Variants in MAPRE2 observed in about 807,000 individuals in gnomAD.
MAPRE2 encodes the protein microtubule-associated protein RP/EB family member 2.
A neutral mutation model predicts 43.2 loss-of-function variants in MAPRE2; 13 were observed. That is an observed-to-expected ratio of 0.30 (90% CI 0.20 to 0.48). MAPRE2 has a LOEUF of 0.48. MAPRE2 is among the 20% of genes least tolerant of loss of function. The pLI is 0.99. For synonymous variants in MAPRE2, 135 were observed against 148.8 expected, an observed-to-expected ratio of 0.91 and a Z score of 0.68; for missense variants, 161 against 400.2, an observed-to-expected ratio of 0.40 and a Z score of 5.10.
At chr18:35,129,394 GCA>G (rs1412221896) in intron 5 of MAPRE2, among the ~76,000 whole-genome samples, 1 of 152,178 alleles carries the variant, frequency 6.6e-6, no homozygotes, top group African/African-American at 2.4e-5. Flanking sequence ...GAAGGGTGAA[GCA>G]CAGTCATCAC....
intron 2 of MAPRE2, among the ~76,000 whole-genome samples, chr18:35,091,216 C>T (rs1192591018): frequency 6.6e-6 from 1 of 152,196 alleles, no homozygotes; most frequent in African/African-American, 2.4e-5. Flanking sequence ...AGTGAAAAAT[C>T]CACACCTAAT....
intron 3 of MAPRE2, 69 bp from the exon 4 acceptor site, chr18:35,101,877 G>T (rs1314439525): frequency 7.1e-6 from 8 of 1,128,426 alleles, no homozygotes; most frequent in Non-Finnish European, 8.9e-6. Context: ...TTGAGATACT[G>T]ATTTCCTTTC....
chr18:35,081,124 G>T (rs1026093805), intron 2 of MAPRE2, among the ~76,000 whole-genome samples: 5 of 152,134 alleles, frequency 3.3e-5, no homozygotes, highest in Non-Finnish European at 7.4e-5. Flanking sequence ...TTAATGAAAA[G>T]ATGTACATCA....
chr18:35,074,230 A>G (rs993888540), intron 2 of MAPRE2, among the ~76,000 whole-genome samples: 2 of 152,192 alleles, frequency 1.3e-5, no homozygotes, highest in Non-Finnish European at 2.9e-5. Context: ...GGTTCAGCTT[A>G]TAGATATTTT....
At chr18:35,070,361 C>T in intron 2 of MAPRE2, 39 bp downstream of exon 2, 3 of 1,543,220 alleles carry the variant, frequency 1.9e-6, no homozygotes, top group South Asian at 1.3e-5. Context: ...TAAATATTTA[C>T]AGTCTGTCAT....
chr18:35,070,105 A>G, intron 1 of MAPRE2, 90 bp from the exon 2 acceptor site: 2 of 1,100,520 alleles, frequency 1.8e-6, no homozygotes, highest in Admixed American at 2.5e-5. Flanking sequence ...CATGCCCTGG[A>G]GTCCTGCCAG....
chr18:35,012,334 C>T (rs1334365994), intron 2 of MAPRE2, among the ~76,000 whole-genome samples: 1 of 151,994 alleles, frequency 6.6e-6, no homozygotes, highest in Admixed American at 6.6e-5. Context: ...CAGTAAGCCA[C>T]AAATATAGAT....
intron 4 of MAPRE2, among the ~76,000 whole-genome samples, chr18:35,122,497 C>T (rs751052157): frequency 1.3e-5 from 2 of 152,126 alleles, no homozygotes; most frequent in Non-Finnish European, 2.9e-5. Flanking sequence ...AGTTTTTCTC[C>T]GAACAATAGA....
chr18:35,036,711 C>T (rs1356104420), upstream of MAPRE2, among the ~76,000 whole-genome samples: 2 of 152,138 alleles, frequency 1.3e-5, no homozygotes, highest in African/African-American at 2.4e-5. Flanking sequence ...ACCTAATATC[C>T]AATCCTGAAT....
intron 2 of MAPRE2, among the ~76,000 whole-genome samples, chr18:35,084,488 T>C (rs1907780693): frequency 6.6e-6 from 1 of 152,196 alleles, no homozygotes. Flanking sequence ...ACAAGGCCTT[T>C]TAATTAATCT....
chr18:35,130,283 GTTTTC>G (rs1005619286), intron 5 of MAPRE2, among the ~76,000 whole-genome samples: 1 of 152,110 alleles, frequency 6.6e-6, no homozygotes, highest in Non-Finnish European at 1.5e-5. Context: ...TAGAATAAGA[GTTTTC>G]TTTTTTCTGG....
chr18:35,020,717 T>C (rs993813573), intron 2 of MAPRE2, among the ~76,000 whole-genome samples: 4 of 152,160 alleles, frequency 2.6e-5, no homozygotes, highest in Non-Finnish European at 4.4e-5. Context: ...AAAATAAAAA[T>C]TTCCTGGCTC....
At chr18:34,998,772 ATTTTTTTTTT>A (rs67933808) in intron 1 of MAPRE2, among the ~76,000 whole-genome samples, 87 of 93,730 alleles carry the variant, frequency 9.3e-4, no homozygotes, top group East Asian at 6.0e-3. Flanking sequence ...CGAAGTTGCA[ATTTTTTTTTT>A]TTTTTTTTTT....
intron 1 of MAPRE2, among the ~76,000 whole-genome samples, chr18:34,977,801 G>T (rs1224774794): frequency 6.6e-6 from 1 of 152,260 alleles, no homozygotes; most frequent in Non-Finnish European, 1.5e-5. Flanking sequence ...TTCGCACTCG[G>T]CTTAGTGGGA....
chr18:35,050,962 G>C (rs1402500282), intron 1 of MAPRE2, among the ~76,000 whole-genome samples: 1 of 152,152 alleles, frequency 6.6e-6, no homozygotes, highest in Non-Finnish European at 1.5e-5. Flanking sequence ...CCTCAGTATA[G>C]GGACCTGCTC....
At chr18:35,093,211 C>CAAAAA (rs56833433) in intron 2 of MAPRE2, among the ~76,000 whole-genome samples, 5 of 52,274 alleles carry the variant, frequency 9.6e-5, no homozygotes, top group Non-Finnish European at 1.7e-4. Flanking sequence ...GACCCTGTCT[C>CAAAAA]AAAAAAAAAA....
At chr18:35,014,970 T>C (rs2097037244) in intron 2 of MAPRE2, among the ~76,000 whole-genome samples, 1 of 152,116 alleles carries the variant, frequency 6.6e-6, no homozygotes, top group South Asian at 2.1e-4. Context: ...TCACTAAAAT[T>C]ACTCTGAGGT....
chr18:35,078,694 T>C (rs1030784026), intron 2 of MAPRE2, among the ~76,000 whole-genome samples: 8 of 152,152 alleles, frequency 5.3e-5, no homozygotes, highest in African/African-American at 9.7e-5. Context: ...TCTGATTCTT[T>C]CCATATCCAT....
chr18:35,019,413 A>G (rs1603390709), intron 2 of MAPRE2, among the ~76,000 whole-genome samples: 1 of 151,912 alleles, frequency 6.6e-6, no homozygotes, highest in East Asian at 1.9e-4. Flanking sequence ...TATTCTGTAG[A>G]TGTCTATTAG....
Sources: gnomAD v4.1 joint callset for allele counts (sites outside exome capture counted in the v4.1 genomes callset) on GRCh38, gnomAD v4.1.1 for gene constraint, MANE v1.5 for transcripts, NCBI Gene and HGNC (gene_info 2026-07-23, HGNC 2026-07-21) for gene names.